CDK8: variants seen among roughly 807,000 people sequenced by gnomAD.
The protein encoded by CDK8 is cyclin-dependent kinase 8.
Under a neutral mutation model 71.5 loss-of-function variants are expected in CDK8, and 29 were observed. The observed-to-expected ratio is 0.41, with a 90% CI of 0.30 to 0.55. CDK8 has a LOEUF of 0.55. Among genes scored for constraint, CDK8 ranks in the 20% least tolerant of loss-of-function variants. The pLI, the probability that CDK8 is intolerant of heterozygous loss-of-function variation, is 0.37. For synonymous variants in CDK8, 161 were observed against 192.1 expected, an observed-to-expected ratio of 0.84 and a Z score of 1.34; for missense variants, 288 against 572.6, an observed-to-expected ratio of 0.50 and a Z score of 5.07.
At chr13:26,370,369 C>T (rs2138026695) in intron 4 of CDK8, among the ~76,000 whole-genome samples, 1 of 152,262 alleles carries the variant, frequency 6.6e-6, no homozygotes, top group South Asian at 2.1e-4. Context: ...CAAAATTCAT[C>T]TTATTAATAG....
At chr13:26,312,024 G>A (rs529338589) in intron 1 of CDK8, among the ~76,000 whole-genome samples, 34 of 152,302 alleles carry the variant, frequency 2.2e-4, no homozygotes, top group African/African-American at 7.9e-4. Context: ...AAGGTGAGAG[G>A]TGAAGCCAGC....
At chr13:26,373,551 C>T (rs1394832359) in intron 4 of CDK8, among the ~76,000 whole-genome samples, 4 of 152,200 alleles carry the variant, frequency 2.6e-5, no homozygotes, top group Non-Finnish European at 5.9e-5. Context: ...GTACTAATTA[C>T]AAATTATAAA....
In CDK8 at chr13:26,316,998, A is replaced by G. The variant is rs114891183; in HGVS notation, c.129-20569A>G. ...ATCTAGAAACAAAATGGAAATGTCAATTAAGAGATAGAAAACCTAAAAACC... is the reference window on the plus strand; with the variant it reads ...ATCTAGAAACAAAATGGAAATGTCAGTTAAGAGATAGAAAACCTAAAAACC... On this transcript the variant is annotated intron_variant, in intron 1 of 12. Transcript: ENST00000381527. Among the ~76,000 whole-genome samples the G allele has an allele frequency of 4.7e-3, 722 of 152,294 alleles. 5 individuals are homozygous for G. Among genetic ancestry groups the G allele is most frequent in the African/African-American group, 0.016 (667 of 41,564 alleles).
intron 2 of CDK8, among the ~76,000 whole-genome samples, chr13:26,345,347 A>T (rs1873417881): frequency 6.6e-6 from 1 of 151,918 alleles, no homozygotes; most frequent in Admixed American, 6.6e-5. Flanking sequence ...AGATAGATGA[A>T]TTTTTTTTAA....
chr13:26,294,677 CG>C (rs1565961146), intron 1 of CDK8, among the ~76,000 whole-genome samples: 1 of 152,048 alleles, frequency 6.6e-6, no homozygotes, highest in African/African-American at 2.4e-5. Context: ...AGCATTTTTT[CG>C]TATGTCTGTT....
At chr13:26,287,960 A>C (rs1439541823) in intron 1 of CDK8, among the ~76,000 whole-genome samples, 4 of 151,860 alleles carry the variant, frequency 2.6e-5, no homozygotes, top group Admixed American at 6.6e-5. Flanking sequence ...TTTTAGTGCA[A>C]CTTATTTTAT....
At chr13:26,275,914 G>A (rs1200350660) in intron 1 of CDK8, among the ~76,000 whole-genome samples, 1 of 152,086 alleles carries the variant, frequency 6.6e-6, no homozygotes, top group Admixed American at 6.6e-5. Context: ...CCAGGCTGGA[G>A]TGCCGTGGCA....
intron 1 of CDK8, among the ~76,000 whole-genome samples, chr13:26,326,986 G>A (rs1325001560): frequency 6.6e-6 from 1 of 152,186 alleles, no homozygotes; most frequent in Non-Finnish European, 1.5e-5. Flanking sequence ...ATTATGAATA[G>A]TGAGGAATCT....
chr13:26,257,381 A>G (rs1396115239), intron 1 of CDK8, among the ~76,000 whole-genome samples: 2 of 152,204 alleles, frequency 1.3e-5, no homozygotes, highest in Non-Finnish European at 2.9e-5. Context: ...AGTTTTAGGA[A>G]ATAAAATAGC....
chr13:26,310,761 G>T (rs1311332064), intron 1 of CDK8, among the ~76,000 whole-genome samples: 1 of 152,084 alleles, frequency 6.6e-6, no homozygotes, highest in African/African-American at 2.4e-5. Context: ...TGAGGCCCTG[G>T]GGGTTGTGGA....
chr13:26,382,416 G>T (rs1291479533), intron 4 of CDK8, among the ~76,000 whole-genome samples: 1 of 152,132 alleles, frequency 6.6e-6, no homozygotes, highest in East Asian at 1.9e-4. Context: ...GTGATTCCTT[G>T]CCTATAATTA....
intron 10 of CDK8, among the ~76,000 whole-genome samples, chr13:26,400,911 A>G (rs945840282): frequency 6.6e-6 from 1 of 152,170 alleles, no homozygotes; most frequent in Non-Finnish European, 1.5e-5. Context: ...TGTTTTGTTA[A>G]TAAATGTAGT....
chr13:26,362,507 A>G (rs917532344), intron 4 of CDK8, among the ~76,000 whole-genome samples: 9 of 152,178 alleles, frequency 5.9e-5, no homozygotes, highest in Non-Finnish European at 1.2e-4. Flanking sequence ...AGGCCAGAGA[A>G]TGGAGAGTTC....
At chr13:26,398,978 T>A (rs113895799) in intron 9 of CDK8, among the ~76,000 whole-genome samples, 1,968 of 139,546 alleles carry the variant, frequency 0.014, 44 homozygotes, top group African/African-American at 0.046. Context: ...AAAAAAAAAA[T>A]GTCTTTTTAT....
chr13:26,270,262 GC>G (rs1479466731), intron 1 of CDK8, among the ~76,000 whole-genome samples: 3 of 151,822 alleles, frequency 2.0e-5, no homozygotes, highest in Non-Finnish European at 4.4e-5. Flanking sequence ...GGTGGCAGGT[GC>G]CTGTAATCCT....
At chr13:26,289,504 AGTTG>A (rs1873196995) in intron 1 of CDK8, among the ~76,000 whole-genome samples, 1 of 152,082 alleles carries the variant, frequency 6.6e-6, no homozygotes, top group Non-Finnish European at 1.5e-5. Context: ...TGAAGGATAC[AGTTG>A]GTTTTTGTAC....
At chr13:26,268,277 A>ACACG (rs960263419) in intron 1 of CDK8, among the ~76,000 whole-genome samples, 9 of 149,840 alleles carry the variant, frequency 6.0e-5, no homozygotes, top group African/African-American at 2.2e-4. Context: ...ACACACACAC[A>ACACG]CACACACACA....
intron 12 of CDK8, among the ~76,000 whole-genome samples, chr13:26,403,462 A>C (rs1236917699): frequency 6.6e-6 from 1 of 152,178 alleles, no homozygotes; most frequent in Middle Eastern, 3.2e-3. Flanking sequence ...CAAAAGAAAA[A>C]AAAAATAGTT....
At chr13:26,397,816 C>T (rs962228976) in intron 9 of CDK8, among the ~76,000 whole-genome samples, 1 of 152,112 alleles carries the variant, frequency 6.6e-6, no homozygotes, top group African/African-American at 2.4e-5. Context: ...TTATATACAG[C>T]CATTACCAAC....
Sources: allele counts gnomAD v4.1 joint callset (sites outside exome capture counted in the v4.1 genomes callset), GRCh38; gene constraint gnomAD v4.1.1; transcripts MANE v1.5; gene names NCBI Gene and HGNC (gene_info 2026-07-23, HGNC 2026-07-21).